Variants in MDN1 observed in about 807,000 individuals in gnomAD.
MDN1 encodes the protein midasin AAA ATPase 1.
Under a neutral mutation model 669.2 loss-of-function variants are expected in MDN1, and 266 were observed. That is an observed-to-expected ratio of 0.40 (90% CI 0.36 to 0.44). The LOEUF (loss-of-function observed/expected upper bound fraction) is 0.44. MDN1 is among the 20% of genes least tolerant of loss of function. The pLI, the probability that MDN1 is intolerant of heterozygous loss-of-function variation, is 1.00. For synonymous variants in MDN1, 2,385 were observed against 2,457.1 expected (o/e 0.97, Z 0.87); for missense variants, 5,940 against 6,754.0 (o/e 0.88, Z 4.22).
Position 89,644,031 on chromosome 6 carries a change from A to G in MDN1, c.16765T>C (p.Leu5589=), listed in dbSNP as rs749947519. ...TATGGGTGGTCAGAGGCTGTCACCA[A>G]CTCAAACCACTGTCTGAGGGCATCG... ...LSDALRQWFE[L]VTASDHP The change falls in exon 102 of 102, where the codon TTG becomes CTG. Residue 5589 remains leucine, a synonymous_variant. Transcript: ENST00000369393. 31 of 1,613,028 alleles carry G rather than the reference A, an allele frequency of 1.9e-5. No individual in the cohort carries two copies. The South Asian group carries it at 3.3e-4, about 17-fold the overall frequency.
chr6:89,676,284 G>A (rs1337021237), intron 76 of MDN1, 77 bp from the exon 77 acceptor site: 3 of 1,308,778 alleles, frequency 2.3e-6, no homozygotes, highest in Non-Finnish European at 3.3e-6. Context: ...TCAGATATTG[G>A]TATATTTGGC....
At position 89,813,706 on chromosome 6, in the gene MDN1, A is replaced by T. The variant is rs185604826; in HGVS notation, c.102+5800T>A. On this transcript the variant is annotated intron_variant, in intron 1 of 101. Transcript: ENST00000369393. ...TGATCACTGTACGCTAGCCCAGGCAATAAAAGGAGACACTGTTTCGGGCAG... is the reference window on the plus strand; with the variant it reads ...TGATCACTGTACGCTAGCCCAGGCATTAAAAGGAGACACTGTTTCGGGCAG... Among the ~76,000 whole-genome samples the T allele has an allele frequency of 4.7e-4, 71 of 152,174 alleles. No individual in the cohort carries two copies. In the East Asian group the frequency reaches 0.013, roughly 28 times the overall value.
intron 33 of MDN1, among the ~76,000 whole-genome samples, chr6:89,736,034 T>G (rs17294495): frequency 0.14 from 22,058 of 152,248 alleles, 1,784 homozygotes; most frequent in South Asian, 0.29. Context: ...TTAACTATCT[T>G]TAAAGAAAAT....
chr6:89,794,033 T>C, intron 4 of MDN1, 67 bp downstream of exon 4: 1 of 1,426,670 alleles, frequency 7.0e-7, no homozygotes. Flanking sequence ...CTCTGGCCTG[T>C]CACCCCCAGA....
chr6:89,758,572 T>C lies in MDN1; in HGVS notation c.2606-221A>G, dbSNP rs185942341. On this transcript the variant is annotated intron_variant, in intron 18 of 101. Coordinates refer to ENST00000369393, the MANE Select transcript of MDN1 (RefSeq NM_014611.3). ...ATTTATCTTTTATCAACCATTCACC[T>C]GTTATTTTATAAGTGTGTCTATTAT... 4.0e-3 allele frequency among the ~76,000 whole-genome samples: 611 copies of C among 152,326 alleles called. 10 individuals are homozygous for C. The highest frequency in any genetic ancestry group is 0.014 in the African/African-American group (585 of 41,546).
Position 89,700,701 on chromosome 6 carries a change from G to C in MDN1, c.8583C>G (p.Leu2861=). ...VASQWTLKKS[L]LQAWGLILRA... is the part of the protein sequence containing the mutation. Reference sequence around the variant, plus strand: ...TGAGGATCAGTCCCCAGGCTTGCAGGAGACTTTTCTTTAATGTCCACTGAG... The same window carrying C: ...TGAGGATCAGTCCCCAGGCTTGCAGCAGACTTTTCTTTAATGTCCACTGAG... Residue 2861 remains leucine (L), a synonymous_variant, in exon 56 of 102, where the codon CTC becomes CTG. Coordinates refer to ENST00000369393, the MANE Select transcript of MDN1 (RefSeq NM_014611.3). 1 of 1,614,190 alleles carries C rather than the reference G, an allele frequency of 6.2e-7. No individual in the cohort carries two copies. The highest frequency in any genetic ancestry group is 1.7e-4 in the Middle Eastern group (1 of 6,060).
At chr6:89,702,268 G>C (rs1813210325) in intron 53 of MDN1, among the ~76,000 whole-genome samples, 1 of 152,238 alleles carries the variant, frequency 6.6e-6, no homozygotes, top group Non-Finnish European at 1.5e-5. Context: ...AAGGCAGACA[G>C]AGGAGGTGAA....
rs535975325 is a variant in MDN1, at chr6:89,781,582, C to T, written c.1460G>A (p.Ser487Asn). ...CACTGCCAATAGGCTAGGATATCTG[C>T]TCTGAAGAACCTGACAGAGGGGGAA... ...DKRELNEVLQ[S>N]RYPSLLAVVD... The change falls in exon 10 of 102, where the codon AGC (serine) becomes AAC (asparagine). Residue 487 changes from serine to asparagine, a missense_variant. Physicochemically the swap from Ser to Asn is conservative, Grantham distance 46 (BLOSUM62 1). Transcript: ENST00000369393. The T allele has an allele frequency of 1.6e-4, 249 of 1,586,358 alleles. 4 individuals carry two copies. In the South Asian group the frequency reaches 2.8e-3, roughly 18 times the overall value.
At chr6:89,742,766 T>C (rs370713131) in intron 31 of MDN1, among the ~76,000 whole-genome samples, 9 of 152,312 alleles carry the variant, frequency 5.9e-5, no homozygotes, top group African/African-American at 2.2e-4. Flanking sequence ...AGTAGGGATA[T>C]AATTCACTTT....
intron 1 of MDN1, among the ~76,000 whole-genome samples, chr6:89,816,166 G>A (rs1476955798): frequency 3.9e-5 from 6 of 152,262 alleles, no homozygotes; most frequent in Admixed American, 1.3e-4. Context: ...TTGGGAGGCC[G>A]ACGCGGGTGG....
intron 42 of MDN1, 28 bp downstream of exon 42, chr6:89,718,739 C>T: frequency 6.2e-7 from 1 of 1,611,012 alleles, no homozygotes. Flanking sequence ...TTATGCTTTG[C>T]CAGAAAATAT....
In MDN1 at chr6:89,730,744, G is replaced by A; in HGVS notation, c.5122C>T (p.Pro1708Ser). ...TGIDNLWGIHPFFIPRGPVLH... is the reference protein window; with the variant it reads ...TGIDNLWGIHSFFIPRGPVLH... Reference sequence around the variant, plus strand: ...TTCTTACCCCTTGGTATAAAAAATGGATGAATTCCCCAAAGGTTATCTATT... The same window carrying A: ...TTCTTACCCCTTGGTATAAAAAATGAATGAATTCCCCAAAGGTTATCTATT... The change falls in exon 35 of 102, where the codon CCA (proline) becomes TCA (serine). Residue 1708 changes from proline to serine, a missense_variant. Physicochemically the swap from Pro to Ser is moderately conservative, Grantham distance 74. Coordinates refer to ENST00000369393, the MANE Select transcript of MDN1 (RefSeq NM_014611.3). 1 of 1,612,728 alleles carries A rather than the reference G, an allele frequency of 6.2e-7. No homozygotes were observed. Among genetic ancestry groups the A allele is most frequent in the South Asian group, 1.1e-5 (1 of 90,676 alleles).
chr6:89,807,585 A>C (rs1768101101), intron 1 of MDN1, among the ~76,000 whole-genome samples: 1 of 152,120 alleles, frequency 6.6e-6, no homozygotes, highest in Non-Finnish European at 1.5e-5. Context: ...CAGATTTAAG[A>C]TTATGAGTTT....
chr6:89,672,503 T>C, intron 81 of MDN1, 44 bp downstream of exon 81: 1 of 1,598,244 alleles, frequency 6.3e-7, no homozygotes, highest in African/African-American at 1.4e-5. Flanking sequence ...AATACAAAAA[T>C]TAAATCAGGC....
At chr6:89,732,995 A>T (rs944689287) in intron 33 of MDN1, among the ~76,000 whole-genome samples, 1 of 152,180 alleles carries the variant, frequency 6.6e-6, no homozygotes, top group Admixed American at 6.5e-5. Context: ...CTATCCAAAG[A>T]ACAAAACAAA....
chr6:89,761,511 C>A, intron 17 of MDN1, 134 bp downstream of exon 17: 1 of 527,482 alleles, frequency 1.9e-6, no homozygotes, highest in Non-Finnish European at 3.2e-6. Flanking sequence ...CCATAATTAC[C>A]ATGAAGGACA....
chr6:89,669,776 A>G (rs1309752643), intron 83 of MDN1, among the ~76,000 whole-genome samples: 1 of 152,048 alleles, frequency 6.6e-6, no homozygotes, highest in Non-Finnish European at 1.5e-5. Context: ...GACTAGACCT[A>G]CCCACACCAT....
chr6:89,717,100 C>T (rs1237487740), intron 43 of MDN1, among the ~76,000 whole-genome samples: 1 of 152,126 alleles, frequency 6.6e-6, no homozygotes, highest in Non-Finnish European at 1.5e-5. Context: ...AGAAGGAGGA[C>T]GTTTCCCACC....
At chr6:89,746,214 G>C (rs369432004) in intron 27 of MDN1, among the ~76,000 whole-genome samples, 8 of 152,302 alleles carry the variant, frequency 5.3e-5, no homozygotes, top group Admixed American at 3.3e-4. Flanking sequence ...GAGACCTACT[G>C]AGTTATTGGA....
Sources: allele counts gnomAD v4.1 joint callset (sites outside exome capture counted in the v4.1 genomes callset), GRCh38; gene constraint gnomAD v4.1.1; transcripts MANE v1.5; gene names NCBI Gene and HGNC (gene_info 2026-07-23, HGNC 2026-07-21).